Variants in ARL15 observed in about 807,000 individuals in gnomAD.
ARL15 encodes ARF like GTPase 15, also known as ADP-ribosylation factor-like protein 15.
ARL15 carries 19 observed loss-of-function variants against 25.2 expected under a neutral mutation model. The observed-to-expected ratio is 0.75, with a 90% CI of 0.53 to 1.10. The LOEUF (loss-of-function observed/expected upper bound fraction) is 1.10, where lower values mean the gene tolerates loss of function less well. Ranked by LOEUF, ARL15 falls within the 50% of genes least tolerant of loss-of-function variation. The pLI, the probability that ARL15 is intolerant of heterozygous loss-of-function variation, is 0.00. For synonymous variants in ARL15, 94 were observed against 86.8 expected (o/e 1.08, Z -0.46); for missense variants, 220 against 246.0 (o/e 0.89, Z 0.71).
At chr5:53,911,535 C>A (rs1022152527) in intron 4 of ARL15, among the ~76,000 whole-genome samples, 1 of 151,936 alleles carries the variant, frequency 6.6e-6, no homozygotes, top group African/African-American at 2.4e-5. Context: ...CTCCAAAGTA[C>A]CTTTAACCTT....
At chr5:54,293,987 C>T (rs2112696048) in intron 1 of ARL15, among the ~76,000 whole-genome samples, 1 of 152,264 alleles carries the variant, frequency 6.6e-6, no homozygotes, top group Middle Eastern at 3.4e-3. Context: ...CACCCACACC[C>T]AGCTAATTTT....
chr5:54,089,405 T>C (rs1318367855), intron 4 of ARL15, among the ~76,000 whole-genome samples: 1 of 152,194 alleles, frequency 6.6e-6, no homozygotes, highest in East Asian at 1.9e-4. Flanking sequence ...CATTAATAGT[T>C]ACTATTAATA....
chr5:54,108,756 T>C (rs1752657109), intron 4 of ARL15, among the ~76,000 whole-genome samples: 1 of 151,964 alleles, frequency 6.6e-6, no homozygotes, highest in South Asian at 2.1e-4. Flanking sequence ...TGTCTGATCC[T>C]TTGTAGAAAG....
chr5:54,141,826 T>C (rs1207739040), intron 3 of ARL15, among the ~76,000 whole-genome samples: 1 of 152,210 alleles, frequency 6.6e-6, no homozygotes, highest in Non-Finnish European at 1.5e-5. Context: ...GAGAACACTA[T>C]TTTATTTTGC....
intron 4 of ARL15, among the ~76,000 whole-genome samples, chr5:54,036,771 A>C (rs1750180549): frequency 6.6e-6 from 1 of 152,136 alleles, no homozygotes. Context: ...GTATTTTGTC[A>C]TGAGAAATTT....
chr5:54,199,385 C>T (rs914120766), intron 1 of ARL15, among the ~76,000 whole-genome samples: 112 of 151,556 alleles, frequency 7.4e-4, no homozygotes, highest in Non-Finnish European at 9.4e-4. Context: ...AGAAAATTTT[C>T]GCAACCTACT....
chr5:54,147,050 C>T (rs1753933320), intron 3 of ARL15, among the ~76,000 whole-genome samples: 1 of 152,142 alleles, frequency 6.6e-6, no homozygotes, highest in South Asian at 2.1e-4. Flanking sequence ...GGATCCTATT[C>T]AACCAATTCA....
intron 4 of ARL15, among the ~76,000 whole-genome samples, chr5:54,105,020 T>C (rs1237072270): frequency 6.6e-6 from 1 of 151,504 alleles, no homozygotes; most frequent in Non-Finnish European, 1.5e-5. Context: ...AAGGGTATTT[T>C]AAAGCAGACA....
intron 4 of ARL15, among the ~76,000 whole-genome samples, chr5:53,944,793 C>T (rs1379498381): frequency 1.3e-5 from 2 of 152,120 alleles, no homozygotes; most frequent in Admixed American, 1.3e-4. Context: ...TTCTTTTGCT[C>T]GTCACTATAT....
At chr5:54,071,225 T>C (rs1434243652) in intron 4 of ARL15, among the ~76,000 whole-genome samples, 4 of 152,150 alleles carry the variant, frequency 2.6e-5, no homozygotes, top group Non-Finnish European at 4.4e-5. Flanking sequence ...GTCTCAGGTA[T>C]TCAATTATAG....
intron 4 of ARL15, among the ~76,000 whole-genome samples, chr5:54,011,492 A>C (rs1749242515): frequency 6.6e-6 from 1 of 152,202 alleles, no homozygotes. Context: ...GTATTTGGAA[A>C]TACTATTCTT....
chr5:54,125,983 G>T (rs1753239736), intron 3 of ARL15, among the ~76,000 whole-genome samples: 1 of 152,102 alleles, frequency 6.6e-6, no homozygotes, highest in Admixed American at 6.5e-5. Flanking sequence ...AAATTGCTAT[G>T]AGGGTTTGCC....
intron 4 of ARL15, among the ~76,000 whole-genome samples, chr5:54,076,964 G>A (rs1026947296): frequency 3.9e-5 from 6 of 152,074 alleles, no homozygotes; most frequent in African/African-American, 1.2e-4. Flanking sequence ...CTGAAGGAGT[G>A]GTGACTTCTT....
chr5:54,054,285 G>T (rs535787720), intron 4 of ARL15, among the ~76,000 whole-genome samples: 2 of 151,996 alleles, frequency 1.3e-5, no homozygotes, highest in African/African-American at 4.8e-5. Flanking sequence ...GCTTATTTTT[G>T]AGCTTTATAA....
chr5:53,908,880 C>A (rs1745363396), intron 4 of ARL15, among the ~76,000 whole-genome samples: 1 of 152,088 alleles, frequency 6.6e-6, no homozygotes, highest in Admixed American at 6.6e-5. Flanking sequence ...GACACTGGAG[C>A]TAGTCTCAAA....
intron 4 of ARL15, among the ~76,000 whole-genome samples, chr5:53,927,340 A>G (rs1265933461): frequency 6.6e-6 from 1 of 152,176 alleles, no homozygotes; most frequent in Admixed American, 6.5e-5. Context: ...GTCACAAATG[A>G]AGATGGACAG....
At chr5:54,244,012 C>G (rs1579945613) in intron 1 of ARL15, among the ~76,000 whole-genome samples, 1 of 152,302 alleles carries the variant, frequency 6.6e-6, no homozygotes, top group South Asian at 2.1e-4. Context: ...ATGCACAAAT[C>G]TCTAATTCTT....
chr5:54,092,047 A>AACACACAC (rs758037549), intron 4 of ARL15, among the ~76,000 whole-genome samples: 8 of 146,320 alleles, frequency 5.5e-5, no homozygotes, highest in South Asian at 2.2e-4. Flanking sequence ...TCAAATTGAA[A>AACACACAC]ACACACACAC....
chr5:53,951,367 T>G (rs1303253145), intron 4 of ARL15: 1 of 379,206 alleles, frequency 2.6e-6, no homozygotes, highest in Non-Finnish European at 5.4e-6. Context: ...GCTAAGCTTT[T>G]GTAGAATACA....
Sources: gnomAD v4.1 joint callset for allele counts (sites outside exome capture counted in the v4.1 genomes callset) on GRCh38, gnomAD v4.1.1 for gene constraint, MANE v1.5 for transcripts, NCBI Gene and HGNC (gene_info 2026-07-23, HGNC 2026-07-21) for gene names.